Variants in SLC25A51 observed in about 807,000 individuals in gnomAD.
SLC25A51 encodes the protein mitochondrial nicotinamide adenine dinucleotide transporter SLC25A51.
A neutral mutation model predicts 19.1 loss-of-function variants in SLC25A51; 11 were observed. The observed-to-expected ratio is 0.58, with a 90% CI of 0.36 to 0.96. The LOEUF (loss-of-function observed/expected upper bound fraction) is 0.96. Among genes scored for constraint, SLC25A51 ranks in the 40% least tolerant of loss-of-function variants. The probability of loss-of-function intolerance (pLI) is 0.01; values close to 1 mark genes in which losing one functional copy is unlikely to be tolerated. For missense variants in SLC25A51, 201 were observed against 365.4 expected (o/e 0.55, Z 3.67); for synonymous variants, 105 against 133.6 (o/e 0.79, Z 1.47).
chr9:37,885,742 C>A (rs563155822), downstream of SLC25A51: 2 of 1,460,942 alleles, frequency 1.4e-6, no homozygotes, highest in Non-Finnish European at 1.9e-6. Context: ...AACCGCAGAT[C>A]CATCACTGTG....
chr9:37,893,571 T>C (rs1162593692), intron 2 of SLC25A51, among the ~76,000 whole-genome samples: 1 of 152,142 alleles, frequency 6.6e-6, no homozygotes, highest in Non-Finnish European at 1.5e-5. Flanking sequence ...ACCTCTAAGG[T>C]CCAAAATATT....
In SLC25A51 at chr9:37,888,547, T is replaced by C. The variant is rs775668305; in HGVS notation, c.4A>G (p.Met2Val). 2 of 1,596,382 alleles carry C rather than the reference T, an allele frequency of 1.3e-6. No homozygotes were observed. Among genetic ancestry groups the C allele is most frequent in the South Asian group, 1.1e-5 (1 of 87,826 alleles). The change falls in exon 3 of 3, where the codon ATG (methionine) becomes GTG (valine). Residue 2 changes from methionine to valine, a missense_variant. Transcript: ENST00000242275. Reference sequence around the variant, plus strand: ...CTCTTTTCATGAGCTTCTGAATCCATCATGCTGCTTAAGATCTTTCTTTTT... The same window carrying C: ...CTCTTTTCATGAGCTTCTGAATCCACCATGCTGCTTAAGATCTTTCTTTTT... M[M>V]DSEAHEKRPP... is the part of the protein sequence containing the mutation.
chr9:37,891,094 G>C (rs544648416), intron 2 of SLC25A51, among the ~76,000 whole-genome samples: 1 of 152,264 alleles, frequency 6.6e-6, no homozygotes, highest in African/African-American at 2.4e-5. Flanking sequence ...ATATCTGCCA[G>C]AGCCACCAAT....
rs980755335 is a variant in SLC25A51 at position 37,887,882 on chromosome 9, G to A, written c.669C>T (p.Ala223=). ...NDFICGGLLG[A]MLGFLFFPIN... ...TTGGAAAAAACAAGAATCCCAACATGGCACCCAATAGACCTCCACAGATAA... is the reference window on the plus strand; with the variant it reads ...TTGGAAAAAACAAGAATCCCAACATAGCACCCAATAGACCTCCACAGATAA... The change falls in exon 3 of 3, where the codon GCC becomes GCT. Residue 223 remains alanine, a synonymous_variant. Coordinates refer to ENST00000242275, the MANE Select transcript of SLC25A51 (RefSeq NM_033412.4). 34 of 1,611,884 alleles carry A rather than the reference G, an allele frequency of 2.1e-5. No homozygotes were observed. The highest frequency in any genetic ancestry group is 1.2e-4 in the African/African-American group (9 of 74,818).
chr9:37,887,432 T>C (rs909966814), downstream of SLC25A51, among the ~76,000 whole-genome samples: 3 of 152,026 alleles, frequency 2.0e-5, no homozygotes, highest in South Asian at 4.1e-4. Context: ...TTTGTGAGGA[T>C]TGAGAAGGGG....
downstream of SLC25A51, among the ~76,000 whole-genome samples, chr9:37,883,915 C>T (rs1486242005): frequency 5.9e-5 from 9 of 152,202 alleles, no homozygotes; most frequent in African/African-American, 9.6e-5. Flanking sequence ...ATGCTTAATA[C>T]GCTTCATCCT....
At chr9:37,885,660 CA>C (rs1456666536), downstream of SLC25A51, 3 of 1,039,290 alleles carry the variant, frequency 2.9e-6, no homozygotes, top group African/African-American at 4.7e-5. Flanking sequence ...CTCGGAACCC[CA>C]AAGGAGTTGC....
chr9:37,878,185 TTAGA>T (rs1256994245), downstream of SLC25A51: 5 of 169,410 alleles, frequency 3.0e-5, no homozygotes, highest in East Asian at 1.9e-4. Context: ...GAATTGCTTG[TTAGA>T]TAGGCCAGGA....
In SLC25A51 at chr9:37,899,970, T is replaced by C. The variant is rs1307001206; in HGVS notation, c.-164-20A>G. ...GATTTCCTTAAAAAAAAAAAAATTC[T>C]GGTTTAATTTATATAGCCTTTTTTT... On this transcript the variant is annotated intron_variant, in intron 1 of 2. Coordinates refer to ENST00000242275, the MANE Select transcript of SLC25A51 (RefSeq NM_033412.4). The C allele has an allele frequency of 6.7e-6, 1 of 150,002 alleles. No homozygotes were observed. Among genetic ancestry groups the C allele is most frequent in the Non-Finnish European group, 1.5e-5 (1 of 67,112 alleles). 9.3% of individuals were successfully genotyped at this position (150,002 alleles called of 1,614,324 possible).
Position 37,888,595 on chromosome 9 carries a change from A to G in SLC25A51, c.-42-3T>C, listed in dbSNP as rs1320138007. On this transcript the variant is annotated splice_polypyrimidine_tract_variant and splice_region_variant and intron_variant, in intron 2 of 2. Transcript: ENST00000242275. ...TTTCATGAAGGACTTTTTTTAACCTACAAATAATAAATGACAACGGGTAAA... is the reference window on the plus strand; with the variant it reads ...TTTCATGAAGGACTTTTTTTAACCTGCAAATAATAAATGACAACGGGTAAA... 1 of 1,548,218 alleles carries G rather than the reference A, an allele frequency of 6.5e-7. No individual in the cohort carries two copies. The highest frequency in any genetic ancestry group is 2.2e-5 in the East Asian group (1 of 44,510).
chr9:37,893,194 T>C (rs1831637975), intron 2 of SLC25A51, among the ~76,000 whole-genome samples: 1 of 152,222 alleles, frequency 6.6e-6, no homozygotes, highest in South Asian at 2.1e-4. Context: ...TTTTGCTTTC[T>C]CTTGTGAAGC....
chr9:37,893,653 T>C (rs921027149), intron 2 of SLC25A51, among the ~76,000 whole-genome samples: 3 of 152,338 alleles, frequency 2.0e-5, no homozygotes, highest in Admixed American at 1.3e-4. Context: ...TTACTTCCGA[T>C]TTTGGCAGTT....
At chr9:37,889,154 G>C (rs778924778) in intron 2 of SLC25A51, among the ~76,000 whole-genome samples, 1 of 152,142 alleles carries the variant, frequency 6.6e-6, no homozygotes, top group Non-Finnish European at 1.5e-5. Flanking sequence ...AGAGCCACTA[G>C]ACTAGTTCGT....
chr9:37,902,274 CTG>C (rs1284575009), intron 1 of SLC25A51, among the ~76,000 whole-genome samples: 1 of 152,180 alleles, frequency 6.6e-6, no homozygotes, highest in Non-Finnish European at 1.5e-5. Context: ...ATTTATGACT[CTG>C]TGTGAGAATG....
At chr9:37,899,022 T>C (rs1290884890) in intron 2 of SLC25A51, among the ~76,000 whole-genome samples, 3 of 152,196 alleles carry the variant, frequency 2.0e-5, no homozygotes, top group Non-Finnish European at 4.4e-5. Context: ...ACCACACATG[T>C]ACTGTGTGAC....
downstream of SLC25A51, among the ~76,000 whole-genome samples, chr9:37,887,112 C>T (rs928210303): frequency 6.6e-6 from 1 of 152,052 alleles, no homozygotes; most frequent in African/African-American, 2.4e-5. Context: ...GTCAGGGGTT[C>T]GAGACCAGCC....
At chr9:37,897,490 T>A (rs1415058956) in intron 2 of SLC25A51, among the ~76,000 whole-genome samples, 2 of 152,096 alleles carry the variant, frequency 1.3e-5, no homozygotes, top group Non-Finnish European at 2.9e-5. Flanking sequence ...TATGTCTCAG[T>A]TTTTTGGTGA....
chr9:37,896,074 A>G (rs1489085448), intron 2 of SLC25A51, among the ~76,000 whole-genome samples: 1 of 152,158 alleles, frequency 6.6e-6, no homozygotes, highest in Non-Finnish European at 1.5e-5. Flanking sequence ...TCGGCTTCCC[A>G]AAGTGCTCGG....
downstream of SLC25A51, chr9:37,886,314 A>T (rs1252942372): frequency 1.9e-6 from 3 of 1,613,908 alleles, no homozygotes; most frequent in Admixed American, 1.7e-5. Flanking sequence ...AAGGCTGGAG[A>T]CAATATCCCT....
Sources: allele counts gnomAD v4.1 joint callset (sites outside exome capture counted in the v4.1 genomes callset), GRCh38; gene constraint gnomAD v4.1.1; transcripts MANE v1.5; gene names NCBI Gene and HGNC (gene_info 2026-07-23, HGNC 2026-07-21).